The following ABCA7 variants were observed in gnomAD, a reference collection of about 807,000 sequenced individuals.
ABCA7 encodes ATP binding cassette subfamily A member 7.
ABCA7 carries 261 observed loss-of-function variants against 227.6 expected under a neutral mutation model. The observed-to-expected ratio is 1.15, with a 90% CI of 1.04 to 1.27. The LOEUF is 1.27. Ranked by LOEUF, ABCA7 falls within the 50% of genes most tolerant of loss-of-function variation. The pLI is 0.00. For missense variants in ABCA7, 3,331 were observed against 2,924.5 expected (o/e 1.14, Z -3.21); for synonymous variants, 1,488 against 1,279.7 (o/e 1.16, Z -3.47).
At position 1,055,342 on chromosome 19, in the gene ABCA7, T is replaced by A. The variant is rs2042153364; in HGVS notation, c.4196T>A (p.Val1399Glu). The A allele has an allele frequency of 6.3e-7, 1 of 1,586,458 alleles. No individual in the cohort carries two copies. The highest frequency in any genetic ancestry group is 1.7e-5 in the Admixed American group (1 of 59,064). ...DFLVKTYPRL[V>E]RQGLKTKKWV... ...CTGGTCAAGACCTACCCGCGCCTGG[T>A]GCGCCAGGGGTGAGCCATGCCCTGG... is the stretch of plus-strand genomic sequence containing the variant. Residue 1399 changes from valine to glutamate, a missense_variant, in exon 30 of 47, where the codon GTG (valine) becomes GAG (glutamate). By Grantham distance (121) the Val-to-Glu change is moderately radical (BLOSUM62 -2). Transcript: ENST00000263094.
At chr19:1,063,521 C>A in intron 42 of ABCA7, 23 bp from the exon 43 acceptor site, 1 of 1,607,960 alleles carries the variant, frequency 6.2e-7, no homozygotes. Flanking sequence ...AGTCCCCATG[C>A]CTACTCTGGC....
chr19:1,052,390 AAGCG>A, intron 23 of ABCA7, 104 bp downstream of exon 23: 1 of 522,816 alleles, frequency 1.9e-6, no homozygotes, highest in South Asian at 1.9e-5. Context: ...GAGGGGGAGG[AAGCG>A]GCAGAGGAGG....
At chr19:1,064,810 A>T in intron 45 of ABCA7, 121 bp from the exon 46 acceptor site, 1 of 1,401,630 alleles carries the variant, frequency 7.1e-7, no homozygotes, top group Non-Finnish European at 9.3e-7. Context: ...CGGGAGGACC[A>T]CTTGATCGCT....
intron 1 of ABCA7, among the ~76,000 whole-genome samples, chr19:1,040,465 C>T (rs1046752086): frequency 7.2e-5 from 11 of 152,274 alleles, no homozygotes; most frequent in African/African-American, 1.7e-4. Context: ...AATGGAGAAA[C>T]TGAGCCCACT....
rs937344999 is a variant in ABCA7, at chr19:1,063,829, C to T, written c.5917C>T (p.Arg1973Trp). 6 of 1,542,430 alleles carry T rather than the reference C, an allele frequency of 3.9e-6. No individual in the cohort carries two copies. In the African/African-American group the frequency reaches 8.2e-5, roughly 21 times the overall value. The change falls in exon 44 of 47, where the codon CGG (arginine) becomes TGG (tryptophan). Residue 1973 changes from arginine to tryptophan, a missense_variant. Coordinates refer to ENST00000263094, the MANE Select transcript of ABCA7 (RefSeq NM_019112.4). ...FLWNSLLAVV[R>W]EGRSVMLTSH... ...TTGGAACAGCCTTTTGGCCGTGGTG[C>T]GGGAGGGCCGTTCAGTGATGCTCAC...
Position 1,063,555 on chromosome 19 carries a change from G to C in ABCA7, c.5724G>C (p.Ser1908=), listed in dbSNP as rs768484281. The change falls in exon 43 of 47, where the codon TCG becomes TCC. Residue 1908 remains serine (S), a synonymous_variant. Coordinates refer to ENST00000263094, the MANE Select transcript of ABCA7 (RefSeq NM_019112.4). ...PEAQVAQTAG[S]GLARLGLSWY... The stretch of plus-strand genomic sequence containing the variant: ...GCCCCACCCCACAGACCGCTGGCTC[G>C]GGCCTGGCGCGTCTGGGACTCTCAT... The C allele has an allele frequency of 1.9e-6, 3 of 1,610,550 alleles. No homozygotes were observed. Among genetic ancestry groups the C allele is most frequent in the Non-Finnish European group, 2.5e-6 (3 of 1,179,878 alleles).
In ABCA7 at chr19:1,041,316, G is replaced by C. The variant is rs774625769; in HGVS notation, c.-46G>C. ...CAGCCGCACCGCACGTCTTCAGCCC[G>C]ACCGTTGTCCTGACCTCTCTGTCCC... On this transcript the variant is annotated 5_prime_UTR_variant, in exon 2 of 47. Coordinates refer to ENST00000263094, the MANE Select transcript of ABCA7 (RefSeq NM_019112.4). 6.9e-6 allele frequency: 11 copies of C among 1,603,790 alleles called. No homozygotes were observed. Among genetic ancestry groups the C allele is most frequent in the African/African-American group, 1.3e-5 (1 of 74,720 alleles).
chr19:1,053,225 G>T, intron 23 of ABCA7, 104 bp from the exon 24 acceptor site: 1 of 1,238,906 alleles, frequency 8.1e-7, no homozygotes, highest in Non-Finnish European at 1.1e-6. Context: ...CCTGATCTCT[G>T]TCTGCCGGGA....
At position 1,056,784 on chromosome 19, in the gene ABCA7, C is replaced by T; in HGVS notation, c.4587-123C>T. The T allele has an allele frequency of 8.7e-7, 1 of 1,153,402 alleles. No homozygotes were observed. Among genetic ancestry groups the T allele is most frequent in the Non-Finnish European group, 1.3e-6 (1 of 797,126 alleles). The allele number at this position is 1,153,402 out of a possible 1,614,324, so 71.4% of individuals were successfully genotyped here. On this transcript the variant is annotated intron_variant, in intron 33 of 46. Transcript: ENST00000263094. The surrounding 1 kb of genome is among the most constrained non-coding windows in gnomAD (Gnocchi z 4.3). The stretch of plus-strand genomic sequence containing the variant: ...CAGGCACCCTCATCCCTAAATTGCC[C>T]CTGCCATCTCTGCCACTGCTGACTG...
At chr19:1,058,104 G>A (rs2042409119) in intron 36 of ABCA7, 42 bp from the exon 37 acceptor site, 3 of 1,613,928 alleles carry the variant, frequency 1.9e-6, no homozygotes, top group Non-Finnish European at 2.5e-6. Context: ...TGGGTCGTTG[G>A]ACTCAGCCCC....
At chr19:1,057,553 C>T (rs764146186) in intron 35 of ABCA7, 124 bp downstream of exon 35, 81 of 974,038 alleles carry the variant, frequency 8.3e-5, no homozygotes, top group Non-Finnish European at 1.2e-4. Context: ...GAGGTGATGC[C>T]GTGTGTGATC....
In ABCA7 at chr19:1,042,124, G is replaced by A. The variant is rs1262511894; in HGVS notation, c.363G>A (p.Thr121=). Residue 121 remains threonine, a synonymous_variant, in exon 5 of 47, where the codon ACG becomes ACA. Coordinates refer to ENST00000263094, the MANE Select transcript of ABCA7 (RefSeq NM_019112.4). The part of the protein sequence containing the change: ...TVLGGASAHR[T]LAGLGKLIAT... ...TGGGAGGGGCCAGTGCCCACAGGAC[G>A]CTGGCTGGCCTAGGGAAGCTGATCG... 3.1e-6 allele frequency: 5 copies of A among 1,599,036 alleles called. No individual in the cohort carries two copies. In the South Asian group the frequency reaches 3.3e-5, roughly 11 times the overall value.
Position 1,056,986 on chromosome 19 carries a change from G to A in ABCA7, c.4666G>A (p.Val1556Ile). ...CTTTGTCCCGGCCAGCTTCACTCTT[G>A]TCCTCATTGAGGAGCGAGTCACCCG... The part of the protein sequence containing the change: ...MSFVPASFTL[V>I]LIEERVTRAK... Residue 1556 changes from valine to isoleucine, a missense_variant, in exon 34 of 47, where the codon GTC becomes ATC. Transcript: ENST00000263094. The surrounding 1 kb of genome is among the most constrained non-coding windows in gnomAD (Gnocchi z 4.3). 1 of 1,613,948 alleles carries A rather than the reference G, an allele frequency of 6.2e-7. No individual in the cohort carries two copies. The highest frequency in any genetic ancestry group is 1.1e-5 in the South Asian group (1 of 91,092).
chr19:1,063,702 G>T (rs1368282968), intron 43 of ABCA7, 24 bp downstream of exon 43: 1 of 1,569,306 alleles, frequency 6.4e-7, no homozygotes, highest in Non-Finnish European at 8.6e-7. Flanking sequence ...GTGCCTGGGT[G>T]GGGTGGGGCC....
Position 1,054,371 on chromosome 19 carries a change from T to C in ABCA7, c.3726+30T>C, listed in dbSNP as rs1568363615. 1 of 1,572,828 alleles carries C rather than the reference T, an allele frequency of 6.4e-7. No homozygotes were observed. Among genetic ancestry groups the C allele is most frequent in the Non-Finnish European group, 8.6e-7 (1 of 1,163,538 alleles). On this transcript the variant is annotated intron_variant, in intron 27 of 46. Transcript: ENST00000263094. This position sits in a 1 kb window ranked among gnomAD's most constrained non-coding sequence, Gnocchi z 4.8. The stretch of plus-strand genomic sequence containing the variant: ...GGAGGGCTAGCACCAGGGAGTCGCA[T>C]GGGAGTCCCTGAGTTCCCTACCCTG...
rs202155778 is a variant in ABCA7 at position 1,051,525 on chromosome 19, G to A, written c.2901G>A (p.Thr967=). The A allele has an allele frequency of 1.2e-4, 189 of 1,612,678 alleles. No homozygotes were observed. The East Asian group carries it at 3.1e-3, about 26-fold the overall frequency. Residue 967 remains threonine (T), a synonymous_variant, in exon 21 of 47, where the codon ACG becomes ACA. Coordinates refer to ENST00000263094, the MANE Select transcript of ABCA7 (RefSeq NM_019112.4). ...GSQVVILDEP[T]AGVDPASRRG... ...AAGTTGTTATCCTGGACGAGCCTAC[G>A]GCTGGCGTGGATCCTGCTTCCCGCC... is the stretch of plus-strand genomic sequence containing the variant.
intron 5 of ABCA7, 64 bp downstream of exon 5, chr19:1,042,240 A>C: frequency 1.4e-6 from 2 of 1,438,972 alleles, no homozygotes; most frequent in African/African-American, 1.4e-5. Context: ...GGGCCGTGAA[A>C]TGGGCACAGG....
At position 1,063,838 on chromosome 19, in the gene ABCA7, C is replaced by T. The variant is rs906507214; in HGVS notation, c.5926C>T (p.Arg1976Cys). ...CCTTTTGGCCGTGGTGCGGGAGGGC[C>T]GTTCAGTGATGCTCACCTCCCATAG... Reference protein sequence around the residue: ...NSLLAVVREGRSVMLTSHSME... With the variant: ...NSLLAVVREGCSVMLTSHSME... Residue 1976 changes from arginine (R) to cysteine (C), a missense_variant, in exon 44 of 47, where the codon CGT becomes TGT. By Grantham distance (180) the Arg-to-Cys change is radical. Coordinates refer to ENST00000263094, the MANE Select transcript of ABCA7 (RefSeq NM_019112.4). The T allele has an allele frequency of 9.7e-6, 15 of 1,540,662 alleles. No homozygotes were observed. In the East Asian group the frequency reaches 1.7e-4, roughly 18 times the overall value.
chr19:1,040,408 C>T (rs981589019), intron 1 of ABCA7, among the ~76,000 whole-genome samples: 3 of 152,150 alleles, frequency 2.0e-5, no homozygotes, highest in Non-Finnish European at 4.4e-5. Context: ...ACACCTGCAG[C>T]CCCCTGCCCG....
Sources: allele counts gnomAD v4.1 joint callset (sites outside exome capture counted in the v4.1 genomes callset), GRCh38; gene constraint gnomAD v4.1.1; non-coding constraint Gnocchi (gnomAD v3.1); transcripts MANE v1.5; gene names NCBI Gene and HGNC (gene_info 2026-07-23, HGNC 2026-07-21).